FAM107A: variants seen among roughly 807,000 people sequenced by gnomAD.
FAM107A encodes family with sequence similarity 107 member A.
FAM107A carries 19 observed loss-of-function variants against 13.7 expected under a neutral mutation model. The observed-to-expected ratio is 1.38, with a 90% CI of 0.97 to 2.03. The LOEUF is 2.03. FAM107A is among the 30% of genes most tolerant of loss of function. FAM107A has a pLI of 0.00. For synonymous variants in FAM107A, 82 were observed against 74.5 expected, an observed-to-expected ratio of 1.10 and a Z score of -0.52; for missense variants, 203 against 184.4, an observed-to-expected ratio of 1.10 and a Z score of -0.58.
At chr3:58,587,098 G>C (rs1559480772) in exon 1 of FAM107A, 2 of 1,370,556 alleles carry the variant, frequency 1.5e-6, no homozygotes, top group Non-Finnish European at 9.4e-7. Flanking sequence ...CGGGCGAGGA[G>C]ACGCCGCCGG....
At chr3:58,588,650 C>T (rs1431157188), upstream of FAM107A, among the ~76,000 whole-genome samples, 1 of 152,164 alleles carries the variant, frequency 6.6e-6, no homozygotes, top group African/African-American at 2.4e-5. Flanking sequence ...AAATTATATC[C>T]AATTTACAGT....
At chr3:58,599,104 G>C (rs1434017453) in intron 1 of FAM107A, among the ~76,000 whole-genome samples, 1 of 152,010 alleles carries the variant, frequency 6.6e-6, no homozygotes, top group Admixed American at 6.6e-5. Flanking sequence ...ACCATGCCTG[G>C]CTAATTTTTG....
At chr3:58,573,461 T>G (rs183776442) in intron 1 of FAM107A, 2 of 152,554 alleles carry the variant, frequency 1.3e-5, no homozygotes, top group East Asian at 1.9e-4. Flanking sequence ...GGCAGAGGAC[T>G]GGGGTTGTTC....
chr3:58,622,634 G>A (rs1163309926), intron 1 of FAM107A, among the ~76,000 whole-genome samples: 2 of 152,198 alleles, frequency 1.3e-5, no homozygotes, highest in South Asian at 2.1e-4. Context: ...CAAGCCCTGC[G>A]GCTGGAATGC....
At chr3:58,619,264 C>T (rs1208098197) in intron 1 of FAM107A, among the ~76,000 whole-genome samples, 1 of 152,156 alleles carries the variant, frequency 6.6e-6, no homozygotes, top group Non-Finnish European at 1.5e-5. Flanking sequence ...GCCTCCCAAA[C>T]TGTTGGGATT....
At chr3:58,618,474 TGGAGCCCAGAGTG>T (rs1185519047) in intron 1 of FAM107A, among the ~76,000 whole-genome samples, 2 of 152,228 alleles carry the variant, frequency 1.3e-5, no homozygotes, top group Non-Finnish European at 2.9e-5. Flanking sequence ...TGCTTTGACA[TGGAGCCCAGAGTG>T]GGAGCCCAGA....
In FAM107A at chr3:58,564,735, G is replaced by A. The variant is rs1302804099; in HGVS notation, c.*1853C>T. On this transcript the variant is annotated 3_prime_UTR_variant, in exon 4 of 4. Coordinates refer to ENST00000360997, the MANE Select transcript of FAM107A (RefSeq NM_001076778.3). This position sits in a 1 kb window ranked among gnomAD's most constrained non-coding sequence, Gnocchi z 5.6. ...ACCCGAGGGCTGCTTCTTTGGGGAA[G>A]TGGTGATCTTTATTTTAGGGATTGT... The A allele has an allele frequency of 6.6e-6, 1 of 152,332 alleles. No homozygotes were observed. Among genetic ancestry groups the A allele is most frequent in the Non-Finnish European group, 1.5e-5 (1 of 68,112 alleles). 9.4% of individuals were successfully genotyped at this position (152,332 alleles called of 1,614,324 possible). A position where few individuals can be genotyped will look rare whatever the true frequency, so the allele number is the denominator to read the frequency against.
At chr3:58,589,879 C>A (rs2065641616), upstream of FAM107A, among the ~76,000 whole-genome samples, 1 of 152,158 alleles carries the variant, frequency 6.6e-6, no homozygotes, top group South Asian at 2.1e-4. Context: ...GGCCCATATT[C>A]TTTTAGGTTG....
chr3:58,570,060 T>G (rs1320146071), intron 1 of FAM107A, among the ~76,000 whole-genome samples, 195 bp from the exon 2 acceptor site: 2 of 152,202 alleles, frequency 1.3e-5, no homozygotes, highest in East Asian at 3.8e-4. Context: ...ACGGAACGCA[T>G]GCACAGGGCT....
chr3:58,576,934 G>A (rs1358080841), intron 1 of FAM107A, among the ~76,000 whole-genome samples: 1 of 152,224 alleles, frequency 6.6e-6, no homozygotes, highest in Non-Finnish European at 1.5e-5. Context: ...AAACTCTGAA[G>A]CTGAAATCTG....
intron 1 of FAM107A, among the ~76,000 whole-genome samples, chr3:58,598,812 A>G (rs1055934430): frequency 2.6e-5 from 4 of 150,996 alleles, no homozygotes; most frequent in African/African-American, 9.7e-5. Flanking sequence ...AGATATTTCT[A>G]TGTTGGTATA....
intron 1 of FAM107A, among the ~76,000 whole-genome samples, chr3:58,583,443 T>C (rs2065569690): frequency 6.6e-6 from 1 of 152,044 alleles, no homozygotes; most frequent in Non-Finnish European, 1.5e-5. Flanking sequence ...ACCAACATGG[T>C]GAAACCCTGT....
Position 58,567,442 on chromosome 3 carries a change from G to A in FAM107A, c.171-78C>T, listed in dbSNP as rs1359343888. The A allele has an allele frequency of 6.9e-6, 10 of 1,440,706 alleles. No homozygotes were observed. In the Admixed American group the frequency reaches 2.1e-4, roughly 30 times the overall value. 89.2% of individuals were successfully genotyped at this position (1,440,706 alleles called of 1,614,324 possible). A position where few individuals can be genotyped will look rare whatever the true frequency, so the allele number is the denominator to read the frequency against. On this transcript the variant is annotated intron_variant, in intron 2 of 3. Coordinates refer to ENST00000360997, the MANE Select transcript of FAM107A (RefSeq NM_001076778.3). Reference sequence around the variant, plus strand: ...CAGCCTCAGGGCTGCTTCCTGCGGTGACACCAACCCCCATTATTATCTTGT... The same window carrying A: ...CAGCCTCAGGGCTGCTTCCTGCGGTAACACCAACCCCCATTATTATCTTGT...
chr3:58,578,934 C>T (rs2063751113), upstream of FAM107A, among the ~76,000 whole-genome samples: 1 of 152,176 alleles, frequency 6.6e-6, no homozygotes, highest in South Asian at 2.1e-4. Context: ...TATTTAATTC[C>T]TACTGTGTTC....
chr3:58,567,687 G>T (rs1482294284), intron 2 of FAM107A, among the ~76,000 whole-genome samples: 1 of 152,188 alleles, frequency 6.6e-6, no homozygotes, highest in African/African-American at 2.4e-5. Context: ...TGCTGGGTCA[G>T]GCTCTTTAAA....
chr3:58,594,569 A>T (rs1268901966), intron 1 of FAM107A, among the ~76,000 whole-genome samples: 1 of 152,154 alleles, frequency 6.6e-6, no homozygotes, highest in South Asian at 2.1e-4. Flanking sequence ...TTCTCCACCT[A>T]TATGTGTCTA....
In FAM107A at chr3:58,567,207, C is replaced by G; in HGVS notation, c.327+1G>C. ...GTCCCTGCTGGGTGCCCATCACCCA[C>G]CTGGTTCAGCCTCTGCTGCCGTCTC... On this transcript the variant is annotated splice_donor_variant, in intron 3 of 3. Transcript: ENST00000360997. LOFTEE classifies it high-confidence loss of function. The G allele has an allele frequency of 6.2e-7, 1 of 1,614,208 alleles. No individual in the cohort carries two copies. Among genetic ancestry groups the G allele is most frequent in the Non-Finnish European group, 8.5e-7 (1 of 1,180,026 alleles).
rs184105803 is a variant in FAM107A at position 58,597,116 on chromosome 3, G to A, written c.-69-7847C>T. ...TTCTCCTGAGAACGAACATTTGGATGGTTTCCAGTTTTTGGCTATCACTCC... is the reference window on the plus strand; with the variant it reads ...TTCTCCTGAGAACGAACATTTGGATAGTTTCCAGTTTTTGGCTATCACTCC... On this transcript the variant is annotated intron_variant, in intron 1 of 3. Coordinates refer to the FAM107A transcript ENST00000465970. Among the ~76,000 whole-genome samples the A allele has an allele frequency of 3.3e-5, 5 of 152,238 alleles. No individual in the cohort carries two copies. In the East Asian group the frequency reaches 9.6e-4, roughly 29 times the overall value.
intron 1 of FAM107A, among the ~76,000 whole-genome samples, chr3:58,585,585 C>A (rs2065597515): frequency 6.6e-6 from 1 of 152,248 alleles, no homozygotes. Flanking sequence ...GTTTGCCTCG[C>A]GCTTTTGGCT....
Sources: allele counts gnomAD v4.1 joint callset (sites outside exome capture counted in the v4.1 genomes callset), GRCh38; gene constraint gnomAD v4.1.1; non-coding constraint Gnocchi (gnomAD v3.1); transcripts MANE v1.5; gene names NCBI Gene and HGNC (gene_info 2026-07-23, HGNC 2026-07-21).